SYT6: variants seen among roughly 807,000 people sequenced by gnomAD.
SYT6 encodes synaptotagmin-6.
Under a neutral mutation model 38.4 loss-of-function variants are expected in SYT6, and 24 were observed. The observed-to-expected ratio is 0.62, with a 90% CI of 0.45 to 0.88. The LOEUF is 0.88. Among genes scored for constraint, SYT6 ranks in the 40% least tolerant of loss-of-function variants. The pLI, the probability that SYT6 is intolerant of heterozygous loss-of-function variation, is 0.00. For synonymous variants in SYT6, 265 were observed against 241.9 expected, an observed-to-expected ratio of 1.10 and a Z score of -0.89; for missense variants, 611 against 621.0, an observed-to-expected ratio of 0.98 and a Z score of 0.17.
At chr1:114,149,336 C>A (rs932957963) in intron 1 of SYT6, among the ~76,000 whole-genome samples, 2 of 124,628 alleles carry the variant, frequency 1.6e-5, no homozygotes, top group Admixed American at 1.0e-4. Context: ...TTAGGAGAAC[C>A]GGTGTAATTA....
At chr1:114,095,989 C>T (rs574965336) in intron 6 of SYT6, among the ~76,000 whole-genome samples, 7 of 151,166 alleles carry the variant, frequency 4.6e-5, no homozygotes, top group South Asian at 2.1e-4. Context: ...GCCCTACAGC[C>T]GACCAGAGGC....
chr1:114,099,729 G>A (rs192249681), intron 4 of SYT6, among the ~76,000 whole-genome samples: 1 of 152,260 alleles, frequency 6.6e-6, no homozygotes, highest in East Asian at 1.9e-4. Context: ...TTTGGGGCGG[G>A]GTAAAAATAG....
At chr1:114,152,506 T>C (rs1679494560) in intron 1 of SYT6, 1 of 151,770 alleles carries the variant, frequency 6.6e-6, no homozygotes, top group Non-Finnish European at 1.5e-5. Flanking sequence ...CCCTCCCCCA[T>C]GGAGGGGACG....
At chr1:114,135,460 G>C (rs548235244) in intron 3 of SYT6, among the ~76,000 whole-genome samples, 28 of 152,288 alleles carry the variant, frequency 1.8e-4, no homozygotes, top group South Asian at 1.0e-3. Flanking sequence ...CCCATGCCTG[G>C]CACAGTGTTC....
At chr1:114,150,091 C>T (rs907796610) in intron 1 of SYT6, among the ~76,000 whole-genome samples, 15 of 152,170 alleles carry the variant, frequency 9.9e-5, no homozygotes, top group Non-Finnish European at 2.2e-4. Context: ...ATAAAGAAAC[C>T]TGGTTTGATC....
intron 3 of SYT6, among the ~76,000 whole-genome samples, chr1:114,114,089 C>T (rs1163969864): frequency 1.3e-5 from 2 of 152,160 alleles, no homozygotes; most frequent in East Asian, 3.9e-4. Context: ...TCATCTCAGG[C>T]CACTTCCTCC....
intron 5 of SYT6, among the ~76,000 whole-genome samples, chr1:114,098,620 G>A (rs759631733): frequency 6.6e-6 from 1 of 152,216 alleles, no homozygotes; most frequent in Non-Finnish European, 1.5e-5. Flanking sequence ...TTCTTGAGAA[G>A]GGCAGGTCCA....
rs556662254 is a variant in SYT6, at chr1:114,091,935, A to C, written c.*199T>G. On this transcript the variant is annotated 3_prime_UTR_variant, in exon 8 of 8. Coordinates refer to ENST00000610222, the MANE Select transcript of SYT6 (RefSeq NM_001253772.2). ...CCGCTGCTGCCGCCACTGCGACTGC[A>C]CAACACTGTTTAGACGGTTGAACAA... The C allele has an allele frequency of 6.8e-7, 1 of 1,473,490 alleles. No individual in the cohort carries two copies. The highest frequency in any genetic ancestry group is 1.4e-5 in the African/African-American group (1 of 71,930). 91.3% of individuals were successfully genotyped at this position (1,473,490 alleles called of 1,614,324 possible). A position where few individuals can be genotyped will look rare whatever the true frequency, so the allele number is the denominator to read the frequency against.
At chr1:114,144,355 G>A (rs981673181) in intron 1 of SYT6, among the ~76,000 whole-genome samples, 1 of 152,176 alleles carries the variant, frequency 6.6e-6, no homozygotes, top group East Asian at 1.9e-4. Context: ...CAAGTAGTGA[G>A]GCCAGGCTGT....
Position 114,137,970 on chromosome 1 carries a change from TCTG to T in SYT6, c.593_595del (p.Ala198del), listed in dbSNP as rs771357791. ...GATGCGGCCAATGCTGGTGGGCTGC[TCTG>T]CTGCTGGTGGAAGCTCATTGCCATA... On this transcript the variant is annotated inframe_deletion, in exon 3 of 8. Transcript: ENST00000610222. 4 of 1,613,980 alleles carry T rather than the reference TCTG, an allele frequency of 2.5e-6. No individual in the cohort carries two copies. In the African/African-American group the frequency reaches 4.0e-5, roughly 16 times the overall value.
At chr1:114,129,706 G>T (rs60006648) in intron 3 of SYT6, among the ~76,000 whole-genome samples, 1 of 144,148 alleles carries the variant, frequency 6.9e-6, no homozygotes, top group Non-Finnish European at 1.5e-5. Context: ...GTCTTGCTCT[G>T]TTGGCCAGTC....
At chr1:114,132,274 G>C (rs1027362214) in intron 3 of SYT6, among the ~76,000 whole-genome samples, 2 of 152,246 alleles carry the variant, frequency 1.3e-5, no homozygotes, top group East Asian at 3.9e-4. Context: ...ATGGGAAAAA[G>C]AGGAGGAAGG....
At chr1:114,140,710 C>T (rs1678820052) in intron 1 of SYT6, among the ~76,000 whole-genome samples, 2 of 152,190 alleles carry the variant, frequency 1.3e-5, no homozygotes, top group Admixed American at 6.5e-5. Flanking sequence ...CTATGCTTCA[C>T]TTTATTGTGC....
chr1:114,097,987 T>C lies in SYT6; in HGVS notation c.1365-110A>G, dbSNP rs1403583489. On this transcript the variant is annotated intron_variant, in intron 5 of 7. Transcript: ENST00000610222. ...GCCCGATGGGTCTAACTCAGAACTCTGAGCTCTGAAAACAGATGCTTGGCA... is the reference window on the plus strand; with the variant it reads ...GCCCGATGGGTCTAACTCAGAACTCCGAGCTCTGAAAACAGATGCTTGGCA... 6 of 1,274,576 alleles carry C rather than the reference T, an allele frequency of 4.7e-6. No homozygotes were observed. The East Asian group carries it at 1.2e-4, about 26-fold the overall frequency. 79.0% of individuals were successfully genotyped at this position (1,274,576 alleles called of 1,614,324 possible). A position where few individuals can be genotyped will look rare whatever the true frequency, so the allele number is the denominator to read the frequency against.
chr1:114,138,622 G>C (rs975024641), intron 2 of SYT6, among the ~76,000 whole-genome samples: 1 of 152,160 alleles, frequency 6.6e-6, no homozygotes, highest in African/African-American at 2.4e-5. Flanking sequence ...TAAAAACGAG[G>C]ATAATAAAAG....
chr1:114,123,599 C>T (rs1310225180), intron 3 of SYT6, among the ~76,000 whole-genome samples: 1 of 152,332 alleles, frequency 6.6e-6, no homozygotes, highest in African/African-American at 2.4e-5. Flanking sequence ...TCCCCCTGCA[C>T]ATTCTCCGTC....
chr1:114,129,604 C>CTT (rs746369256), intron 3 of SYT6, among the ~76,000 whole-genome samples: 1 of 93,702 alleles, frequency 1.1e-5, no homozygotes. Context: ...TTCTTTCTTT[C>CTT]TTTCTTTCTT....
chr1:114,121,138 A>G (rs1450041787), intron 3 of SYT6, among the ~76,000 whole-genome samples: 1 of 152,156 alleles, frequency 6.6e-6, no homozygotes, highest in African/African-American at 2.4e-5. Flanking sequence ...TGGGATCTCA[A>G]CCTCATCATC....
chr1:114,153,017 C>T (rs1281783624), intron 1 of SYT6: 6 of 148,326 alleles, frequency 4.0e-5, no homozygotes, highest in Non-Finnish European at 9.0e-5. Context: ...ACCCCGCCCC[C>T]TGTCCCCCGC....
Sources: gnomAD v4.1 joint callset for allele counts (sites outside exome capture counted in the v4.1 genomes callset) on GRCh38, gnomAD v4.1.1 for gene constraint, MANE v1.5 for transcripts, NCBI Gene and HGNC (gene_info 2026-07-23, HGNC 2026-07-21) for gene names.